The following AHI1 variants were observed in gnomAD, a reference collection of about 807,000 sequenced individuals.
AHI1 encodes jouberin.
Under a neutral mutation model 149.3 loss-of-function variants are expected in AHI1, and 123 were observed. The ratio of observed to expected loss-of-function variants is 0.82; its 90% CI spans 0.71 to 0.96. AHI1 has a LOEUF of 0.96. Ranked by LOEUF, AHI1 falls within the 40% of genes least tolerant of loss-of-function variation. AHI1 has a pLI of 0.00. For synonymous variants in AHI1, 475 were observed against 459.8 expected (o/e 1.03, Z -0.42); for missense variants, 1,439 against 1,422.7 (o/e 1.01, Z -0.18).
intron 25 of AHI1, among the ~76,000 whole-genome samples, chr6:135,321,296 A>C (rs1277588207): frequency 6.6e-6 from 1 of 152,180 alleles, no homozygotes; most frequent in Non-Finnish European, 1.5e-5. Flanking sequence ...AAAAAGTTAT[A>C]TGTCATTCAC....
chr6:135,318,464 C>T (rs190677416), intron 26 of AHI1, 55 bp downstream of exon 26: 1 of 1,099,278 alleles, frequency 9.1e-7, no homozygotes, highest in East Asian at 2.6e-5. Context: ...ATATTTTATC[C>T]AGAGAGAGTG....
rs867941572 is a variant in AHI1 at position 135,360,043 on chromosome 6, A to G, written c.3110-1856T>C. On this transcript the variant is annotated intron_variant, in intron 23 of 28. Transcript: ENST00000265602. ...TATATAAATAATATTTGGAAATACAATCATGCATGTTTGTTCAAGCTTGCA... is the reference window on the plus strand; with the variant it reads ...TATATAAATAATATTTGGAAATACAGTCATGCATGTTTGTTCAAGCTTGCA... Among the ~76,000 whole-genome samples, 56 of 152,292 alleles carry G rather than the reference A, an allele frequency of 3.7e-4. 1 individual carries two copies. Among genetic ancestry groups the G allele is most frequent in the African/African-American group, 1.3e-3 (54 of 41,584 alleles).
At chr6:135,311,264 T>C (rs1785158671) in intron 26 of AHI1, among the ~76,000 whole-genome samples, 1 of 134,308 alleles carries the variant, frequency 7.4e-6, no homozygotes, top group Admixed American at 8.6e-5. Context: ...ATCCCATCAC[T>C]GCACTCCAAC....
intron 26 of AHI1, chr6:135,302,047 A>G (rs1783941430): frequency 1.0e-6 from 1 of 969,174 alleles, no homozygotes; most frequent in Non-Finnish European, 1.2e-6. Context: ...GCTGGAGTAC[A>G]GTGGCATGAT....
At chr6:135,452,362 CATCA>C (rs1176864575) in intron 11 of AHI1, among the ~76,000 whole-genome samples, 2 of 152,172 alleles carry the variant, frequency 1.3e-5, no homozygotes, top group African/African-American at 4.8e-5. Flanking sequence ...CTTTTTTAAA[CATCA>C]ATCTACGCCT....
chr6:135,376,929 C>G (rs977789454), intron 23 of AHI1, among the ~76,000 whole-genome samples: 4 of 125,822 alleles, frequency 3.2e-5, no homozygotes, highest in African/African-American at 6.7e-5. Flanking sequence ...AAAGTTGGTC[C>G]AGTTTGACTC....
chr6:135,471,107 G>A (rs1791618364), intron 5 of AHI1, among the ~76,000 whole-genome samples: 1 of 152,006 alleles, frequency 6.6e-6, no homozygotes, highest in Non-Finnish European at 1.5e-5. Flanking sequence ...GGATACTCCT[G>A]AAAGAAATAA....
intron 26 of AHI1, among the ~76,000 whole-genome samples, chr6:135,314,112 A>C: frequency 6.6e-6 from 1 of 152,184 alleles, no homozygotes; most frequent in East Asian, 1.9e-4. Flanking sequence ...GTTTGTGTTA[A>C]CCTTATGTTT....
intron 6 of AHI1, among the ~76,000 whole-genome samples, chr6:135,467,287 A>G (rs1790924645): frequency 6.6e-6 from 1 of 152,234 alleles, no homozygotes; most frequent in Non-Finnish European, 1.5e-5. Flanking sequence ...AGCACAATGA[A>G]GGAAAGCCAC....
chr6:135,450,437 AC>A (rs1235636542), intron 11 of AHI1, among the ~76,000 whole-genome samples: 2 of 152,234 alleles, frequency 1.3e-5, no homozygotes, highest in East Asian at 3.9e-4. Flanking sequence ...CTTTTCCCCT[AC>A]CCCTTTAGGA....
At chr6:135,413,606 G>A (rs527303089) in intron 20 of AHI1, among the ~76,000 whole-genome samples, 1 of 152,060 alleles carries the variant, frequency 6.6e-6, no homozygotes, top group South Asian at 2.1e-4. Context: ...CCATATCTGT[G>A]TAAAAATTCT....
chr6:135,387,485 C>T (rs922016636), intron 23 of AHI1, among the ~76,000 whole-genome samples: 20 of 152,144 alleles, frequency 1.3e-4, no homozygotes, highest in African/African-American at 4.1e-4. Context: ...ATGCCAAAGA[C>T]GGCTTAAGGG....
chr6:135,480,084 C>G (rs559839745), intron 5 of AHI1, among the ~76,000 whole-genome samples: 2 of 152,266 alleles, frequency 1.3e-5, no homozygotes, highest in African/African-American at 4.8e-5. Context: ...TCATAAATTA[C>G]CCAGTCTCAG....
chr6:135,298,337 A>C (rs529718776), intron 27 of AHI1, among the ~76,000 whole-genome samples: 21 of 151,906 alleles, frequency 1.4e-4, no homozygotes, highest in Non-Finnish European at 3.1e-4. Context: ...CAAAAAAAAA[A>C]AAAAACAAAA....
intron 7 of AHI1, among the ~76,000 whole-genome samples, chr6:135,463,787 T>C (rs1412063367): frequency 6.6e-6 from 1 of 152,194 alleles, no homozygotes; most frequent in Non-Finnish European, 1.5e-5. Flanking sequence ...GGTTTCGCGC[T>C]GTCGCCCAAG....
intron 15 of AHI1, among the ~76,000 whole-genome samples, chr6:135,435,513 G>A (rs1785265305): frequency 6.6e-6 from 1 of 152,164 alleles, no homozygotes; most frequent in South Asian, 2.1e-4. Flanking sequence ...GCAGGAAGAT[G>A]CCAAAGAAGA....
chr6:135,429,701 T>A (rs1784383905), intron 18 of AHI1, among the ~76,000 whole-genome samples, 181 bp downstream of exon 18: 1 of 151,404 alleles, frequency 6.6e-6, no homozygotes, highest in Admixed American at 6.6e-5. Flanking sequence ...ATATTTTTTA[T>A]CTCGACTCAT....
chr6:135,465,460 G>C (rs1237819026), intron 7 of AHI1, among the ~76,000 whole-genome samples: 1 of 152,174 alleles, frequency 6.6e-6, no homozygotes, highest in Admixed American at 6.5e-5. Context: ...CAAAAAAGGG[G>C]AAGTAATTAG....
rs559196539 is a variant in AHI1, at chr6:135,349,313, T to G, written c.3165+8819A>C. Among the ~76,000 whole-genome samples, 40 of 152,262 alleles carry G rather than the reference T, an allele frequency of 2.6e-4. 1 individual carries two copies. The South Asian group carries it at 8.3e-3, about 32-fold the overall frequency. Reference sequence around the variant, plus strand: ...CTTATATTAGAAAAAATAGTGAGAATTTATGAAATGAAGAAAAAAGATTAC... The same window carrying G: ...CTTATATTAGAAAAAATAGTGAGAAGTTATGAAATGAAGAAAAAAGATTAC... On this transcript the variant is annotated intron_variant, in intron 24 of 28. Transcript: ENST00000265602.
Sources: allele counts gnomAD v4.1 joint callset (sites outside exome capture counted in the v4.1 genomes callset), GRCh38; gene constraint gnomAD v4.1.1; transcripts MANE v1.5; gene names NCBI Gene and HGNC (gene_info 2026-07-23, HGNC 2026-07-21).